LUC7L: variants seen among roughly 807,000 people sequenced by gnomAD.
LUC7L encodes LUC7 like.
LUC7L carries 29 observed loss-of-function variants against 51.1 expected under a neutral mutation model. The ratio of observed to expected loss-of-function variants is 0.57; its 90% confidence interval spans 0.42 to 0.77. The LOEUF (loss-of-function observed/expected upper bound fraction) is 0.77. LUC7L is among the 30% of genes least tolerant of loss of function. The pLI is 0.00. For missense variants in LUC7L, 403 were observed against 511.9 expected, an observed-to-expected ratio of 0.79 and a Z score of 2.05; for synonymous variants, 181 against 180.7, an observed-to-expected ratio of 1.00 and a Z score of -0.01.
At chr16:226,739 A>G (rs2050142383) in intron 2 of LUC7L, among the ~76,000 whole-genome samples, 1 of 152,246 alleles carries the variant, frequency 6.6e-6, no homozygotes, top group East Asian at 1.9e-4. Context: ...CTACAGCCAA[A>G]TTAGAATACT....
At chr16:211,116 A>C (rs888814690) in intron 3 of LUC7L, among the ~76,000 whole-genome samples, 1 of 148,166 alleles carries the variant, frequency 6.7e-6, no homozygotes, top group Non-Finnish European at 1.5e-5. Context: ...TAATCCCAAC[A>C]CTTTGGGAGT....
intron 1 of LUC7L, 175 bp downstream of exon 1, chr16:229,104 C>G (rs966206946): frequency 3.5e-6 from 5 of 1,414,064 alleles, no homozygotes; most frequent in Admixed American, 6.2e-5. Context: ...ACGGCCGCCT[C>G]AGAGACGCAC....
At chr16:207,902 G>C (rs942335271) in intron 4 of LUC7L, among the ~76,000 whole-genome samples, 176 bp downstream of exon 4, 8 of 152,020 alleles carry the variant, frequency 5.3e-5, no homozygotes, top group Non-Finnish European at 1.2e-4. Context: ...CCAGCTACTC[G>C]GGAGGCTGAG....
intron 5 of LUC7L, 95 bp from the exon 6 acceptor site, chr16:199,333 G>T: frequency 1.3e-6 from 1 of 779,466 alleles, no homozygotes; most frequent in Non-Finnish European, 2.0e-6. Context: ...AGATGACAGA[G>T]GTGACTTTTA....
At chr16:205,896 T>C in intron 5 of LUC7L, 108 bp downstream of exon 5, 1 of 1,344,574 alleles carries the variant, frequency 7.4e-7, no homozygotes, top group South Asian at 1.4e-5. Context: ...GCCCAAAATG[T>C]ATAAATTTTT....
intron 7 of LUC7L, among the ~76,000 whole-genome samples, chr16:192,106 G>C (rs2049025110): frequency 6.6e-6 from 1 of 151,944 alleles, no homozygotes; most frequent in African/African-American, 2.4e-5. Flanking sequence ...TCACCAAGCA[G>C]CAACTCCGGG....
intron 7 of LUC7L, 41 bp from the exon 8 acceptor site, chr16:190,611 G>A: frequency 1.3e-6 from 2 of 1,598,476 alleles, no homozygotes; most frequent in Non-Finnish European, 1.7e-6. Context: ...CAGGCATGGT[G>A]GCTCACACCT....
At chr16:193,649 C>G (rs745509290) in intron 6 of LUC7L, among the ~76,000 whole-genome samples, 2 of 151,648 alleles carry the variant, frequency 1.3e-5, no homozygotes, top group Non-Finnish European at 2.9e-5. Context: ...AGCGTGCCAG[C>G]ACGGCCGGCT....
intron 2 of LUC7L, among the ~76,000 whole-genome samples, chr16:225,125 T>C (rs1448295075): frequency 6.6e-6 from 1 of 152,130 alleles, no homozygotes; most frequent in Non-Finnish European, 1.5e-5. Context: ...ACCTGTGTTC[T>C]CTTCTGTACC....
At chr16:201,767 A>G (rs1433323830) in intron 5 of LUC7L, among the ~76,000 whole-genome samples, 48 of 94,596 alleles carry the variant, frequency 5.1e-4, no homozygotes, top group Non-Finnish European at 6.4e-4. Flanking sequence ...TTTTTGAGAG[A>G]GAGTCTTGCT....
rs77896562 is a variant in LUC7L, at chr16:228,982, G to C, written c.61+297C>G. On this transcript the variant is annotated intron_variant, in intron 1 of 9. Coordinates refer to ENST00000293872, the MANE Select transcript of LUC7L (RefSeq NM_201412.3). ...TCCGCCGACTCCACAGTTCGCGGAG[G>C]GGCACGGAGCCGCGGCGCCCGCCGG... The C allele has an allele frequency of 4.5e-5, 64 of 1,436,350 alleles. No homozygotes were observed. The East Asian group carries it at 1.7e-3, about 38-fold the overall frequency. 89.0% of individuals were successfully genotyped at this position (1,436,350 alleles called of 1,614,324 possible).
chr16:219,291 A>C (rs1042387264), intron 3 of LUC7L, among the ~76,000 whole-genome samples: 1 of 152,168 alleles, frequency 6.6e-6, no homozygotes, highest in Non-Finnish European at 1.5e-5. Context: ...TGGGAGGCTA[A>C]GGCAGGAGAA....
intron 5 of LUC7L, among the ~76,000 whole-genome samples, chr16:205,691 G>A (rs1596633704): frequency 6.6e-6 from 1 of 152,188 alleles, no homozygotes; most frequent in Non-Finnish European, 1.5e-5. Context: ...CCGGGTTCAC[G>A]CCATTCTCCT....
intron 2 of LUC7L, among the ~76,000 whole-genome samples, chr16:224,647 T>A (rs914747150): frequency 6.6e-6 from 1 of 151,248 alleles, no homozygotes; most frequent in Admixed American, 6.6e-5. Flanking sequence ...CTGGCCAACA[T>A]GATGAAACCC....
chr16:213,717 C>T (rs1596653480), intron 3 of LUC7L, among the ~76,000 whole-genome samples: 2 of 151,240 alleles, frequency 1.3e-5, no homozygotes. Flanking sequence ...AATCTTTTTT[C>T]TTTTTTTCTT....
At chr16:220,304 G>A (rs1291713422) in intron 3 of LUC7L, 1 of 169,688 alleles carries the variant, frequency 5.9e-6, no homozygotes, top group African/African-American at 2.4e-5. Flanking sequence ...TGGGCAAACA[G>A]AAACATGATA....
chr16:189,907 C>A, intron 9 of LUC7L, 61 bp downstream of exon 9: 1 of 1,564,832 alleles, frequency 6.4e-7, no homozygotes, highest in South Asian at 1.2e-5. Context: ...TCAGCAGACC[C>A]TGGGAACACA....
intron 3 of LUC7L, among the ~76,000 whole-genome samples, chr16:210,011 G>A (rs2049594688): frequency 6.6e-6 from 1 of 152,206 alleles, no homozygotes; most frequent in South Asian, 2.1e-4. Flanking sequence ...CTCTTGGCCA[G>A]GCGTGGTAGC....
At chr16:216,749 T>G (rs898287903) in intron 3 of LUC7L, among the ~76,000 whole-genome samples, 1 of 152,108 alleles carries the variant, frequency 6.6e-6, no homozygotes, top group Non-Finnish European at 1.5e-5. Context: ...GCGGGTAGTT[T>G]TCAGGGAGTA....
Sources: gnomAD v4.1 joint callset for allele counts (sites outside exome capture counted in the v4.1 genomes callset) on GRCh38, gnomAD v4.1.1 for gene constraint, MANE v1.5 for transcripts, NCBI Gene and HGNC (gene_info 2026-07-23, HGNC 2026-07-21) for gene names.